Variants in DHX36 observed in about 807,000 individuals in gnomAD.
The protein encoded by DHX36 is DEAH-box helicase 36.
Under a neutral mutation model 139.0 loss-of-function variants are expected in DHX36, and 50 were observed. The ratio of observed to expected loss-of-function variants is 0.36; its 90% CI spans 0.29 to 0.46. The LOEUF (loss-of-function observed/expected upper bound fraction) is 0.46, where lower values mean the gene tolerates loss of function less well. Among genes scored for constraint, DHX36 ranks in the 20% least tolerant of loss-of-function variants. DHX36 has a pLI of 1.00. For synonymous variants in DHX36, 425 were observed against 401.9 expected (o/e 1.06, Z -0.69); for missense variants, 1,024 against 1,211.3 (o/e 0.85, Z 2.29).
At chr3:154,303,213 A>G in intron 9 of DHX36, 116 bp downstream of exon 9, 1 of 743,958 alleles carries the variant, frequency 1.3e-6, no homozygotes, top group South Asian at 2.0e-5. Flanking sequence ...GCTAATTCCC[A>G]GAAAAATGTT....
rs140951576 is a variant in DHX36, at chr3:154,284,814, C to T, written c.2205G>A (p.Leu735=). ...TCGGTTTTATTTCCATTTTTCTTAC[C>T]AGTGGAATGACAAATGGATCTTTGA... is the stretch of plus-strand genomic sequence containing the variant. ...LSFKDPFVIP[L]GKEKIADARR... The change falls in exon 18 of 25, where the codon CTG becomes CTA. Residue 735 remains leucine, a splice_region_variant and synonymous_variant. Coordinates refer to ENST00000496811, the MANE Select transcript of DHX36 (RefSeq NM_020865.3). 3.7e-6 allele frequency: 6 copies of T among 1,612,830 alleles called. No homozygotes were observed. Among genetic ancestry groups the T allele is most frequent in the Admixed American group, 1.7e-5 (1 of 59,854 alleles).
chr3:154,322,333 A>G (rs541032598), intron 1 of DHX36, among the ~76,000 whole-genome samples: 1 of 152,338 alleles, frequency 6.6e-6, no homozygotes, highest in East Asian at 1.9e-4. Flanking sequence ...GAATTAGGTA[A>G]TAAAATGATC....
At chr3:154,301,299 C>T (rs1366986464) in intron 9 of DHX36, among the ~76,000 whole-genome samples, 172 bp from the exon 10 acceptor site, 1 of 152,106 alleles carries the variant, frequency 6.6e-6, no homozygotes, top group Admixed American at 6.6e-5. Context: ...ACTTATAAAA[C>T]CTGATATTTT....
At chr3:154,310,671 G>A (rs1222804846) in intron 4 of DHX36, among the ~76,000 whole-genome samples, 2 of 147,510 alleles carry the variant, frequency 1.4e-5, no homozygotes, top group Admixed American at 1.4e-4. Flanking sequence ...CCAGCTACTC[G>A]GGAAGCTGAG....
chr3:154,283,232 T>C lies in DHX36; in HGVS notation c.2332A>G (p.Lys778Glu). Reference sequence around the variant, plus strand: ...AGAAAATATTCCCAGCAATAGTCCTTTTCGTATCTGAAACCACGTCGCCTA... The same window carrying C: ...AGAAAATATTCCCAGCAATAGTCCTCTTCGTATCTGAAACCACGTCGCCTA... The part of the protein sequence containing the change: ...EARRRGFRYE[K>E]DYCWEYFLSS... Residue 778 changes from lysine (K) to glutamate (E), a missense_variant, in exon 20 of 25, where the codon AAG (lysine) becomes GAG (glutamate). Physicochemically the swap from Lys to Glu is moderately conservative, Grantham distance 56. This residue lies in a region of DHX36 where 470 missense variants were observed against 616.2 expected (regional missense o/e 0.76). Transcript: ENST00000496811. 6.2e-7 allele frequency: 1 copy of C among 1,613,902 alleles called. No individual in the cohort carries two copies. The highest frequency in any genetic ancestry group is 8.5e-7 in the Non-Finnish European group (1 of 1,179,834).
chr3:154,300,486 T>G, intron 11 of DHX36, 108 bp downstream of exon 11: 1 of 841,690 alleles, frequency 1.2e-6, no homozygotes, highest in Non-Finnish European at 1.9e-6. Context: ...CAAAAGTAAT[T>G]TCTTCCAGTC....
chr3:154,321,105 A>C (rs1161601525), intron 1 of DHX36, among the ~76,000 whole-genome samples: 8 of 152,212 alleles, frequency 5.3e-5, no homozygotes, highest in Non-Finnish European at 1.0e-4. Flanking sequence ...AAAGCAAAAA[A>C]ACCTCAAAGC....
rs748759274 is a variant in DHX36 at position 154,276,714 on chromosome 3, G to GCA, written c.2841+32_2841+33insTG. On this transcript the variant is annotated intron_variant, in intron 24 of 24. Transcript: ENST00000496811. ...CACATGACCACATGCTGACTTACATGTAGATTTAAGATAATCACATAAAGT... is the reference window on the plus strand; with the variant it reads ...CACATGACCACATGCTGACTTACATGCATAGATTTAAGATAATCACATAAAGT... The GCA allele has an allele frequency of 1.9e-6, 3 of 1,604,588 alleles. No homozygotes were observed. The East Asian group carries it at 6.7e-5, about 36-fold the overall frequency.
chr3:154,294,011 AC>A (rs1167171544), intron 13 of DHX36, among the ~76,000 whole-genome samples, 199 bp from the exon 14 acceptor site: 1 of 152,222 alleles, frequency 6.6e-6, no homozygotes, highest in African/African-American at 2.4e-5. Flanking sequence ...TTGGTAAACC[AC>A]ATTAAATCTC....
At chr3:154,283,321 T>A (rs1177629453) in intron 19 of DHX36, 50 bp from the exon 20 acceptor site, 3 of 1,230,332 alleles carry the variant, frequency 2.4e-6, no homozygotes, top group South Asian at 1.2e-5. Context: ...CAAACAAAGA[T>A]TACTACTGGT....
chr3:154,289,935 C>T (rs1437241611), intron 15 of DHX36, 109 bp from the exon 16 acceptor site: 2 of 639,154 alleles, frequency 3.1e-6, no homozygotes, highest in Non-Finnish European at 2.8e-6. Flanking sequence ...CAATTTCTTA[C>T]ATGCCACATA....
chr3:154,301,914 C>T (rs531160597), intron 9 of DHX36, among the ~76,000 whole-genome samples: 132 of 152,102 alleles, frequency 8.7e-4, no homozygotes, highest in African/African-American at 3.1e-3. Context: ...GGGGGAGGGG[C>T]TGGAGCATGG....
rs576061663 is a variant in DHX36, at chr3:154,315,335, G to A, written c.369-55C>T. The stretch of plus-strand genomic sequence containing the variant: ...GGTCAGATGAGCCACTCAAACACTG[G>A]AACAAAACAAAACAAAACAATACGC... On this transcript the variant is annotated intron_variant, in intron 2 of 24. Coordinates refer to ENST00000496811, the MANE Select transcript of DHX36 (RefSeq NM_020865.3). 475 of 1,274,876 alleles carry A rather than the reference G, an allele frequency of 3.7e-4. 3 individuals are homozygous for A. The African/African-American group carries it at 6.2e-3, about 17-fold the overall frequency. 79.0% of individuals were successfully genotyped at this position (1,274,876 alleles called of 1,614,324 possible). A position where few individuals can be genotyped will look rare whatever the true frequency, so the allele number is the denominator to read the frequency against.
chr3:154,283,095 G>T, intron 20 of DHX36, 93 bp downstream of exon 20: 5 of 895,524 alleles, frequency 5.6e-6, no homozygotes, highest in South Asian at 3.0e-5. Flanking sequence ...CCATATATTT[G>T]ACTTTTTTGC....
Position 154,316,147 on chromosome 3 carries a change from ATG to A in DHX36, c.258_259del (p.Met87GlyfsTer2). On this transcript the variant is annotated frameshift_variant, in exon 2 of 25. Coordinates refer to ENST00000496811, the MANE Select transcript of DHX36 (RefSeq NM_020865.3). LOFTEE classifies it high-confidence loss of function. The stretch of plus-strand genomic sequence containing the variant: ...AATTTGTTCTTCTCGTCGTTCATCC[ATG>A]TGTACTACAGCTCTCTAGTTTGTGC... 6.2e-7 allele frequency: 1 copy of A among 1,613,312 alleles called. No homozygotes were observed. Among genetic ancestry groups the A allele is most frequent in the Non-Finnish European group, 8.5e-7 (1 of 1,179,488 alleles).
intron 22 of DHX36, among the ~76,000 whole-genome samples, chr3:154,278,209 C>T (rs1719217268): frequency 6.6e-6 from 1 of 151,586 alleles, no homozygotes; most frequent in South Asian, 2.1e-4. Flanking sequence ...AGAGTATGAC[C>T]CAGATGAATA....
chr3:154,292,752 C>T (rs1711876131), intron 14 of DHX36, 58 bp from the exon 15 acceptor site: 1 of 1,573,432 alleles, frequency 6.4e-7, no homozygotes, highest in Admixed American at 1.8e-5. Context: ...CACACACACA[C>T]ACACACACAT....
chr3:154,310,817 A>ATGTG (rs1712723386), intron 4 of DHX36, among the ~76,000 whole-genome samples: 1 of 23,400 alleles, frequency 4.3e-5, no homozygotes, highest in African/African-American at 2.1e-4. Context: ...ATATATATAT[A>ATGTG]TATATATATA....
At chr3:154,286,337 ATTAT>A (rs1178120471) in intron 17 of DHX36, among the ~76,000 whole-genome samples, 1 of 151,600 alleles carries the variant, frequency 6.6e-6, no homozygotes, top group African/African-American at 2.4e-5. Flanking sequence ...TAAAACTCTA[ATTAT>A]TTAAAGATGT....
Sources: gnomAD v4.1 joint callset for allele counts (sites outside exome capture counted in the v4.1 genomes callset) on GRCh38, gnomAD v4.1.1 for gene constraint, gnomAD v4.1.1 regional missense constraint, MANE v1.5 for transcripts, NCBI Gene and HGNC (gene_info 2026-07-23, HGNC 2026-07-21) for gene names.